Variants in MBP observed in about 807,000 individuals in gnomAD.
MBP encodes the protein myelin basic protein.
In MBP, 16 loss-of-function variants were observed where a neutral mutation model predicts 35.8. That is an observed-to-expected ratio of 0.45 (90% CI 0.30 to 0.68). The LOEUF (loss-of-function observed/expected upper bound fraction) is 0.68, where lower values mean the gene tolerates loss of function less well. Ranked by LOEUF, MBP falls within the 30% of genes least tolerant of loss-of-function variation. The pLI is 0.08. For missense variants in MBP, 380 were observed against 404.7 expected (o/e 0.94, Z 0.52); for synonymous variants, 143 against 159.6 (o/e 0.90, Z 0.78).
chr18:77,118,794 C>T (rs560270311), intron 1 of MBP, among the ~76,000 whole-genome samples: 3 of 150,312 alleles, frequency 2.0e-5, no homozygotes, highest in East Asian at 2.0e-4. Context: ...ACACTCCACA[C>T]CCCCTACACA....
chr18:76,992,188 T>C (rs1300342348), intron 4 of MBP, among the ~76,000 whole-genome samples: 1 of 152,210 alleles, frequency 6.6e-6, no homozygotes, highest in African/African-American at 2.4e-5. Flanking sequence ...ATGGGTTTTG[T>C]GGAAGACAGT....
At chr18:77,128,964 T>C (rs12454672) in intron 1 of MBP, among the ~76,000 whole-genome samples, 3,574 of 152,270 alleles carry the variant, frequency 0.023, 190 homozygotes, top group East Asian at 0.15. Context: ...ACAATTTAAA[T>C]TTTTTTCCAG....
chr18:76,980,178 G>A lies in MBP; in HGVS notation c.*249C>T, dbSNP rs1329924436. 4 of 636,036 alleles carry A rather than the reference G, an allele frequency of 6.3e-6. No homozygotes were observed. The highest frequency in any genetic ancestry group is 1.1e-5 in the Non-Finnish European group (4 of 355,384). 39.4% of individuals were successfully genotyped at this position (636,036 alleles called of 1,614,324 possible). On this transcript the variant is annotated 3_prime_UTR_variant, in exon 9 of 9. Coordinates refer to ENST00000355994, the MANE Select transcript of MBP (RefSeq NM_001025101.2). ...CCACGTGCGTCTGGGGGCACATTGC[G>A]GGGGAAGGAACGTGATCTTCACACA...
intron 4 of MBP, chr18:77,012,753 G>C: frequency 1.0e-6 from 1 of 983,926 alleles, no homozygotes; most frequent in Middle Eastern, 5.2e-4. Context: ...AACCAAAAAC[G>C]ACAAATTAAA....
At chr18:77,063,466 G>C (rs772040928) in intron 3 of MBP, among the ~76,000 whole-genome samples, 3 of 152,126 alleles carry the variant, frequency 2.0e-5, no homozygotes, top group Non-Finnish European at 2.9e-5. Context: ...GACTCAACCT[G>C]AATCAGGCAT....
chr18:77,131,922 G>A lies in MBP; in HGVS notation c.-26+658C>T, dbSNP rs1271065155. On this transcript the variant is annotated intron_variant, in intron 1 of 8. Coordinates refer to ENST00000355994, the MANE Select transcript of MBP (RefSeq NM_001025101.2). The surrounding 1 kb of genome is among the most constrained non-coding windows in gnomAD (Gnocchi z 5.5). Reference sequence around the variant, plus strand: ...GGCCGAAGAGCCCGAGACAGGCCCTGCGAAGGCGGAAGCCCGGACCCGGGC... The same window carrying A: ...GGCCGAAGAGCCCGAGACAGGCCCTACGAAGGCGGAAGCCCGGACCCGGGC... 6.6e-6 allele frequency among the ~76,000 whole-genome samples: 1 copy of A among 152,106 alleles called. No homozygotes were observed. Among genetic ancestry groups the A allele is most frequent in the East Asian group, 1.9e-4 (1 of 5,166 alleles).
chr18:77,069,294 A>C (rs1430216501), intron 2 of MBP, among the ~76,000 whole-genome samples: 2 of 152,226 alleles, frequency 1.3e-5, no homozygotes, highest in Non-Finnish European at 2.9e-5. Context: ...TTCAGAAGAC[A>C]CTAAAACTTG....
Position 77,132,219 on chromosome 18 carries a change from C to A in MBP, c.-26+361G>T, listed in dbSNP as rs547807802. Among the ~76,000 whole-genome samples, 34 of 152,096 alleles carry A rather than the reference C, an allele frequency of 2.2e-4. No individual in the cohort carries two copies. The South Asian group carries it at 6.6e-3, about 30-fold the overall frequency. ...GCGACCCTGGGACCGCCGGGCCTGG[C>A]TGGAGTCCACCCCTGGACACCTGTC... On this transcript the variant is annotated intron_variant, in intron 1 of 8. Transcript: ENST00000355994.
chr18:77,071,024 C>T lies in MBP; in HGVS notation c.52-4639G>A, dbSNP rs142557150. ...CACACGCACATTGTAGGTGAAAATA[C>T]GCTTATAATTAGCCTTACATTTTTA... On this transcript the variant is annotated intron_variant, in intron 2 of 8. Coordinates refer to ENST00000355994, the MANE Select transcript of MBP (RefSeq NM_001025101.2). Among the ~76,000 whole-genome samples the T allele has an allele frequency of 6.4e-3, 974 of 152,234 alleles. 9 individuals are homozygous for T. The highest frequency in any genetic ancestry group is 0.022 in the African/African-American group (904 of 41,530).
chr18:76,989,045 A>C lies in MBP; in HGVS notation c.682-133T>G, dbSNP rs1465261842. ...AAGCACCCGGGTGCCCAGCCTCCCCACTTCTGTCCTAGTTGGTGAAGAAGT... is the reference window on the plus strand; with the variant it reads ...AAGCACCCGGGTGCCCAGCCTCCCCCCTTCTGTCCTAGTTGGTGAAGAAGT... On this transcript the variant is annotated intron_variant, in intron 5 of 8. Transcript: ENST00000355994. The surrounding 1 kb of genome is among the most constrained non-coding windows in gnomAD (Gnocchi z 4.0). The C allele has an allele frequency of 5.0e-6, 4 of 802,840 alleles. No homozygotes were observed. The highest frequency in any genetic ancestry group is 9.1e-6 in the Non-Finnish European group (4 of 441,524). 49.7% of individuals were successfully genotyped at this position (802,840 alleles called of 1,614,324 possible).
intron 2 of MBP, among the ~76,000 whole-genome samples, chr18:77,086,519 A>T (rs1366537499): frequency 6.6e-6 from 1 of 152,236 alleles, no homozygotes; most frequent in Non-Finnish European, 1.5e-5. Flanking sequence ...AGTCATAAAA[A>T]TACTGAAAAA....
chr18:77,043,608 T>C (rs1973101118), intron 3 of MBP, among the ~76,000 whole-genome samples: 1 of 152,122 alleles, frequency 6.6e-6, no homozygotes, highest in Non-Finnish European at 1.5e-5. Context: ...AGCGTGGACG[T>C]CTCTCTGCAA....
chr18:77,024,576 G>A (rs762904776), intron 3 of MBP, among the ~76,000 whole-genome samples: 6 of 152,224 alleles, frequency 3.9e-5, no homozygotes, highest in Admixed American at 2.0e-4. Flanking sequence ...ATGGCCAAGC[G>A]GGACCGCCTT....
intron 2 of MBP, among the ~76,000 whole-genome samples, chr18:77,094,227 G>T: frequency 6.6e-6 from 1 of 151,992 alleles, no homozygotes; most frequent in East Asian, 1.9e-4. Context: ...GCCTGCCTTG[G>T]CCTCCCAAAG....
intron 3 of MBP, among the ~76,000 whole-genome samples, chr18:77,029,584 G>A (rs2123599774): frequency 6.6e-6 from 1 of 152,262 alleles, no homozygotes; most frequent in Admixed American, 6.5e-5. Context: ...CCAAAGTGCT[G>A]GGATGACAGG....
At chr18:77,015,267 T>C (rs1971560834) in intron 4 of MBP, 1 of 906,122 alleles carries the variant, frequency 1.1e-6, no homozygotes, top group Non-Finnish European at 1.3e-6. Flanking sequence ...TTAAGTACAT[T>C]TTTTTTTTCT....
chr18:77,007,382 G>A (rs1971045576), intron 4 of MBP, among the ~76,000 whole-genome samples: 1 of 152,156 alleles, frequency 6.6e-6, no homozygotes, highest in Non-Finnish European at 1.5e-5. Flanking sequence ...GGGCACCCCT[G>A]GGGGCTCTCA....
intron 3 of MBP, among the ~76,000 whole-genome samples, chr18:77,032,676 A>G (rs1972587836): frequency 6.6e-6 from 1 of 150,526 alleles, no homozygotes. Flanking sequence ...CGTAGAGATA[A>G]GAGATTCTTA....
rs116982959 is a variant in MBP, at chr18:76,998,365, G to T, written c.577-8305C>A. Among the ~76,000 whole-genome samples, 108 of 152,190 alleles carry T rather than the reference G, an allele frequency of 7.1e-4. 1 individual carries two copies. The highest frequency in any genetic ancestry group is 1.3e-3 in the Non-Finnish European group (89 of 68,018). On this transcript the variant is annotated intron_variant, in intron 4 of 8. Transcript: ENST00000355994. ...TCCACCTTCCACCGTTAGGCTGAAC[G>T]ACATCCACGGCACCGTATGCGCGGA...
Sources: gnomAD v4.1 joint callset for allele counts (sites outside exome capture counted in the v4.1 genomes callset) on GRCh38, gnomAD v4.1.1 for gene constraint, Gnocchi (gnomAD v3.1) non-coding constraint, MANE v1.5 for transcripts, NCBI Gene and HGNC (gene_info 2026-07-23, HGNC 2026-07-21) for gene names.